Variants in MKLN1 observed in about 807,000 individuals in gnomAD.
The protein encoded by MKLN1 is muskelin 1, also known as muskelin.
In MKLN1, 18 loss-of-function variants were observed where a neutral mutation model predicts 99.0. The ratio of observed to expected loss-of-function variants is 0.18; its 90% CI spans 0.13 to 0.27. The LOEUF is 0.27. Ranked by LOEUF, MKLN1 falls within the 10% of genes least tolerant of loss-of-function variation. The pLI is 1.00. For missense variants in MKLN1, 621 were observed against 875.9 expected, an observed-to-expected ratio of 0.71 and a Z score of 3.67; for synonymous variants, 288 against 293.2, an observed-to-expected ratio of 0.98 and a Z score of 0.18.
intron 3 of MKLN1, among the ~76,000 whole-genome samples, chr7:131,276,150 C>G (rs1797971970): frequency 6.6e-6 from 1 of 152,196 alleles, no homozygotes; most frequent in Non-Finnish European, 1.5e-5. Flanking sequence ...GGGAAGGAAA[C>G]CACAGAAGCA....
intron 15 of MKLN1, among the ~76,000 whole-genome samples, chr7:131,466,904 T>TAC (rs907079191): frequency 0.025 from 3,767 of 150,750 alleles, 54 homozygotes; most frequent in African/African-American, 0.048. Flanking sequence ...TATATACATA[T>TAC]ACACACACAC....
chr7:131,333,415 T>A (rs936218591), intron 1 of MKLN1, among the ~76,000 whole-genome samples: 5 of 152,254 alleles, frequency 3.3e-5, no homozygotes, highest in Non-Finnish European at 7.3e-5. Flanking sequence ...GTAATGACTT[T>A]ATGTCATTTT....
chr7:131,118,603 G>A (rs1302073233), intron 1 of MKLN1, among the ~76,000 whole-genome samples: 1 of 152,004 alleles, frequency 6.6e-6, no homozygotes, highest in African/African-American at 2.4e-5. Context: ...ACCTGAGACT[G>A]GCTAATAAGA....
intron 3 of MKLN1, among the ~76,000 whole-genome samples, chr7:131,245,513 GC>G (rs1020289577): frequency 6.6e-6 from 1 of 151,898 alleles, no homozygotes; most frequent in Non-Finnish European, 1.5e-5. Context: ...GGTGATCCGC[GC>G]CCCCCGCCCC....
intron 3 of MKLN1, among the ~76,000 whole-genome samples, chr7:131,255,529 T>A (rs1046387782): frequency 2.6e-5 from 4 of 152,102 alleles, no homozygotes; most frequent in Non-Finnish European, 5.9e-5. Context: ...GAAAGGAAAA[T>A]TTTTAAAGCC....
chr7:131,160,584 T>G (rs138558122), intron 2 of MKLN1, among the ~76,000 whole-genome samples: 2 of 150,116 alleles, frequency 1.3e-5, no homozygotes, highest in African/African-American at 4.9e-5. Context: ...AGTGGTGCGA[T>G]CTTGGCTTAC....
At chr7:131,267,545 G>T (rs553679139) in intron 3 of MKLN1, among the ~76,000 whole-genome samples, 1 of 152,056 alleles carries the variant, frequency 6.6e-6, no homozygotes, top group African/African-American at 2.4e-5. Context: ...TACTAGAACT[G>T]TGGTCCCAGG....
At chr7:131,159,148 G>A (rs576104541) in intron 2 of MKLN1, among the ~76,000 whole-genome samples, 12 of 152,236 alleles carry the variant, frequency 7.9e-5, no homozygotes, top group Admixed American at 1.3e-4. Context: ...AGCCGAGATC[G>A]TGCCACTGCA....
At chr7:131,412,780 A>G (rs149338365) in intron 7 of MKLN1, among the ~76,000 whole-genome samples, 17 of 152,344 alleles carry the variant, frequency 1.1e-4, no homozygotes, top group African/African-American at 3.8e-4. Flanking sequence ...AGGCAGTTCT[A>G]TGGATACTGA....
At chr7:131,478,830 T>TTGTA in intron 17 of MKLN1, 153 bp downstream of exon 17, 1 of 889,872 alleles carries the variant, frequency 1.1e-6, no homozygotes, top group Non-Finnish European at 1.8e-6. Context: ...TCTAATAACC[T>TTGTA]GCTACAAGGT....
chr7:131,147,831 T>A (rs909228206), intron 2 of MKLN1, among the ~76,000 whole-genome samples: 4 of 152,190 alleles, frequency 2.6e-5, no homozygotes, highest in African/African-American at 9.7e-5. Context: ...CAAGTGACCC[T>A]GCTCATTAGC....
intron 1 of MKLN1, among the ~76,000 whole-genome samples, chr7:131,352,786 A>G (rs1187759392): frequency 6.6e-6 from 1 of 152,138 alleles, no homozygotes; most frequent in African/African-American, 2.4e-5. Context: ...CACCAACTTG[A>G]TACACAGGTT....
chr7:131,347,081 A>G (rs908281484), intron 1 of MKLN1, among the ~76,000 whole-genome samples: 1 of 152,196 alleles, frequency 6.6e-6, no homozygotes, highest in Non-Finnish European at 1.5e-5. Context: ...TTCACTCTTC[A>G]GTGGGATCTT....
At chr7:131,312,706 C>G (rs1215481075) in intron 3 of MKLN1, among the ~76,000 whole-genome samples, 1 of 152,158 alleles carries the variant, frequency 6.6e-6, no homozygotes, top group Non-Finnish European at 1.5e-5. Context: ...TTTACATCTT[C>G]TTTATATGCT....
intron 1 of MKLN1, among the ~76,000 whole-genome samples, chr7:131,141,138 G>GC (rs1229930294): frequency 6.6e-6 from 1 of 151,816 alleles, no homozygotes; most frequent in Non-Finnish European, 1.5e-5. Flanking sequence ...CTTTTTCTCT[G>GC]CTCCTACACA....
At chr7:131,475,930 A>G (rs1796951005) in intron 16 of MKLN1, among the ~76,000 whole-genome samples, 1 of 152,206 alleles carries the variant, frequency 6.6e-6, no homozygotes, top group African/African-American at 2.4e-5. Flanking sequence ...GTTAATTAGG[A>G]ATATATTAAA....
chr7:131,491,608 A>C lies in MKLN1; in HGVS notation c.*3880A>C, dbSNP rs896515400. On this transcript the variant is annotated 3_prime_UTR_variant, in exon 18 of 18. Transcript: ENST00000352689. ...TGTTGGTTGAAGGCAGACATTTCCA[A>C]GTTTGTTGAAATAATACGAAGCTGA... The C allele has an allele frequency of 1.5e-4, 23 of 152,184 alleles. No homozygotes were observed. The highest frequency in any genetic ancestry group is 1.5e-5 in the Non-Finnish European group (1 of 68,024). The allele number at this position is 152,184 out of a possible 1,614,324, so 9.4% of individuals were successfully genotyped here.
At chr7:131,180,919 A>G (rs1796369215) in intron 2 of MKLN1, among the ~76,000 whole-genome samples, 3 of 152,188 alleles carry the variant, frequency 2.0e-5, no homozygotes, top group Admixed American at 1.3e-4. Context: ...ATGACTTTCT[A>G]TGTACAAGAA....
intron 3 of MKLN1, among the ~76,000 whole-genome samples, chr7:131,243,963 G>A (rs1231284391): frequency 2.0e-5 from 3 of 152,080 alleles, no homozygotes; most frequent in Non-Finnish European, 4.4e-5. Context: ...GAAGTGAGCC[G>A]AGCTGCACCG....
Sources: gnomAD v4.1 joint callset for allele counts (sites outside exome capture counted in the v4.1 genomes callset) on GRCh38, gnomAD v4.1.1 for gene constraint, MANE v1.5 for transcripts, NCBI Gene and HGNC (gene_info 2026-07-23, HGNC 2026-07-21) for gene names.